The following TMEM131 variants were observed in gnomAD, a reference collection of about 807,000 sequenced individuals.
TMEM131 encodes the protein transmembrane protein 131.
A neutral mutation model predicts 211.6 loss-of-function variants in TMEM131; 66 were observed. That is an observed-to-expected ratio of 0.31 (90% CI 0.26 to 0.38). TMEM131 has a LOEUF of 0.38. Ranked by LOEUF, TMEM131 falls within the 10% of genes least tolerant of loss-of-function variation. TMEM131 has a pLI of 1.00. For missense variants in TMEM131, 2,036 were observed against 2,299.3 expected (o/e 0.89, Z 2.34); for synonymous variants, 844 against 841.3 (o/e 1.00, Z -0.06).
intron 5 of TMEM131, among the ~76,000 whole-genome samples, chr2:97,847,512 C>T (rs1054034969): frequency 6.6e-6 from 1 of 152,072 alleles, no homozygotes. Context: ...AACTATAAAA[C>T]ACTACTGAAA....
At chr2:97,850,669 AC>A (rs995100705) in intron 5 of TMEM131, among the ~76,000 whole-genome samples, 11 of 152,210 alleles carry the variant, frequency 7.2e-5, no homozygotes, top group South Asian at 4.1e-4. Flanking sequence ...AAGAAAAAAA[AC>A]AGTAGCAAAA....
chr2:97,893,002 C>T (rs1011738271), intron 3 of TMEM131, among the ~76,000 whole-genome samples: 1 of 152,078 alleles, frequency 6.6e-6, no homozygotes, highest in African/African-American at 2.4e-5. Flanking sequence ...CACCCATCAA[C>T]CCATCACCTG....
At chr2:97,799,752 A>C (rs1680936060) in intron 25 of TMEM131, among the ~76,000 whole-genome samples, 1 of 152,232 alleles carries the variant, frequency 6.6e-6, no homozygotes, top group Non-Finnish European at 1.5e-5. Flanking sequence ...AGTATTTTCC[A>C]AAAGACTGAT....
chr2:97,828,276 TTATG>T (rs1436236511), intron 11 of TMEM131, among the ~76,000 whole-genome samples: 5 of 152,160 alleles, frequency 3.3e-5, no homozygotes, highest in African/African-American at 7.2e-5. Context: ...TAGAATTTCG[TTATG>T]TATGTTAAGA....
chr2:97,941,971 C>A (rs930468231), intron 1 of TMEM131, among the ~76,000 whole-genome samples: 1 of 152,124 alleles, frequency 6.6e-6, no homozygotes, highest in Admixed American at 6.5e-5. Flanking sequence ...CATCCCATTA[C>A]CGGGTATATA....
At chr2:97,870,164 T>C (rs1466812579) in intron 4 of TMEM131, among the ~76,000 whole-genome samples, 1 of 152,142 alleles carries the variant, frequency 6.6e-6, no homozygotes, top group Non-Finnish European at 1.5e-5. Flanking sequence ...AAAATCTATC[T>C]CAAAGGTCAA....
intron 39 of TMEM131, 76 bp from the exon 40 acceptor site, chr2:97,759,129 A>G (rs1200790176): frequency 1.2e-5 from 19 of 1,565,718 alleles, no homozygotes; most frequent in Non-Finnish European, 8.7e-7. Flanking sequence ...GCTTCACTCA[A>G]TGGCATACCT....
rs542576934 is a variant in TMEM131 at position 97,972,062 on chromosome 2, G to T, written c.187+23414C>A. Among the ~76,000 whole-genome samples the T allele has an allele frequency of 5.1e-4, 77 of 152,010 alleles. 1 individual carries two copies. Among genetic ancestry groups the T allele is most frequent in the African/African-American group, 1.8e-3 (73 of 41,416 alleles). Reference sequence around the variant, plus strand: ...ATCTCTACTAAAACTACAAAAATTAGCCGGGAGTGGTGCCACATGCCTGTA... The same window carrying T: ...ATCTCTACTAAAACTACAAAAATTATCCGGGAGTGGTGCCACATGCCTGTA... On this transcript the variant is annotated intron_variant, in intron 1 of 40. Coordinates refer to ENST00000186436, the MANE Select transcript of TMEM131 (RefSeq NM_015348.2).
At chr2:97,870,459 C>G (rs1674445600) in intron 4 of TMEM131, among the ~76,000 whole-genome samples, 1 of 151,992 alleles carries the variant, frequency 6.6e-6, no homozygotes, top group Admixed American at 6.6e-5. Flanking sequence ...CCAAAAGGGA[C>G]AGTGTGAGGT....
chr2:97,899,415 A>C (rs757287252), intron 3 of TMEM131, among the ~76,000 whole-genome samples: 1 of 152,194 alleles, frequency 6.6e-6, no homozygotes, highest in Non-Finnish European at 1.5e-5. Context: ...GCACTATAGA[A>C]AAATGGGTAG....
chr2:97,786,071 T>A (rs1680236006), intron 31 of TMEM131, among the ~76,000 whole-genome samples: 1 of 152,214 alleles, frequency 6.6e-6, no homozygotes, highest in Admixed American at 6.5e-5. Flanking sequence ...TGAGGATTCC[T>A]GTGGGCTTGG....
intron 31 of TMEM131, among the ~76,000 whole-genome samples, chr2:97,783,340 T>C (rs951123464): frequency 2.0e-5 from 3 of 152,024 alleles, no homozygotes; most frequent in Non-Finnish European, 4.4e-5. Context: ...AAGGAAATGA[T>C]AAAAGAAGGA....
At chr2:97,881,511 ACT>A (rs1326364823) in intron 4 of TMEM131, among the ~76,000 whole-genome samples, 8 of 151,588 alleles carry the variant, frequency 5.3e-5, no homozygotes, top group Non-Finnish European at 1.0e-4. Flanking sequence ...TCTGGCTGTG[ACT>A]CTTTTTAGAG....
At position 97,939,250 on chromosome 2, in the gene TMEM131, T is replaced by A. The variant is rs1195586148; in HGVS notation, c.188-11763A>T. Among the ~76,000 whole-genome samples the A allele has an allele frequency of 2.6e-5, 4 of 152,092 alleles. No individual in the cohort carries two copies. In the East Asian group the frequency reaches 7.7e-4, roughly 29 times the overall value. On this transcript the variant is annotated intron_variant, in intron 1 of 40. Coordinates refer to ENST00000186436, the MANE Select transcript of TMEM131 (RefSeq NM_015348.2). ...TCAATGAATCCAGGAGCTGGTTTTTTGAAAAGATCAACAAAATTGATAGAC... is the reference window on the plus strand; with the variant it reads ...TCAATGAATCCAGGAGCTGGTTTTTAGAAAAGATCAACAAAATTGATAGAC...
chr2:97,843,804 CATGA>C (rs1210446015), intron 6 of TMEM131, among the ~76,000 whole-genome samples: 2 of 152,018 alleles, frequency 1.3e-5, no homozygotes, highest in African/African-American at 2.4e-5. Flanking sequence ...GGAAAGTAGA[CATGA>C]ATGTTTTAAT....
At chr2:97,908,608 C>A (rs565363048) in intron 3 of TMEM131, 50 bp downstream of exon 3, 20 of 1,383,638 alleles carry the variant, frequency 1.4e-5, no homozygotes, top group Non-Finnish European at 1.9e-5. Flanking sequence ...CCACAGGAAT[C>A]CCCCAGAAGG....
intron 32 of TMEM131, among the ~76,000 whole-genome samples, chr2:97,772,741 C>CA (rs1559349560): frequency 6.6e-6 from 1 of 151,894 alleles, no homozygotes; most frequent in South Asian, 2.1e-4. Context: ...ACTAAAAATA[C>CA]AAAAAACTAG....
rs1379422818 is a variant in TMEM131, at chr2:97,812,430, A to G, written c.1854T>C (p.Asp618=). 1 of 1,601,350 alleles carries G rather than the reference A, an allele frequency of 6.2e-7. No homozygotes were observed. The highest frequency in any genetic ancestry group is 1.3e-5 in the African/African-American group (1 of 74,210). ...LPEFEKSSLS[D]QSSVTLASGY... ...TAGAAAGTTTACTTACCGATGATTGATCTGATAAAGAGGATTTTTCAAACT... is the reference window on the plus strand; with the variant it reads ...TAGAAAGTTTACTTACCGATGATTGGTCTGATAAAGAGGATTTTTCAAACT... The change falls in exon 17 of 41, where the codon GAT becomes GAC. Residue 618 remains aspartate (D), a synonymous_variant. Transcript: ENST00000186436.
In TMEM131 at chr2:97,781,597, A is replaced by T. The variant is rs148722535; in HGVS notation, c.4145-5579T>A. ...ATATAAATCTCATTTAAACAAACAA[A>T]CAAAACACCTGGAGACTTACACTTT... On this transcript the variant is annotated intron_variant, in intron 31 of 40. Coordinates refer to ENST00000186436, the MANE Select transcript of TMEM131 (RefSeq NM_015348.2). Among the ~76,000 whole-genome samples, 155 of 152,354 alleles carry T rather than the reference A, an allele frequency of 1.0e-3. No individual in the cohort carries two copies. In the East Asian group the frequency reaches 0.016, roughly 16 times the overall value.
Sources: allele counts gnomAD v4.1 joint callset (sites outside exome capture counted in the v4.1 genomes callset), GRCh38; gene constraint gnomAD v4.1.1; transcripts MANE v1.5; gene names NCBI Gene and HGNC (gene_info 2026-07-23, HGNC 2026-07-21).